Variants in KAZN observed in about 807,000 individuals in gnomAD.
KAZN encodes the protein kazrin, periplakin interacting protein, also known as kazrin.
A neutral mutation model predicts 87.4 loss-of-function variants in KAZN; 40 were observed. That is an observed-to-expected ratio of 0.46 (90% confidence interval 0.36 to 0.60). The LOEUF is 0.60. Ranked by LOEUF, KAZN falls within the 20% of genes least tolerant of loss-of-function variation. The pLI is 0.00. For synonymous variants in KAZN, 466 were observed against 458.3 expected (o/e 1.02, Z -0.22); for missense variants, 898 against 1,073.9 (o/e 0.84, Z 2.29).
intron 1 of KAZN, among the ~76,000 whole-genome samples, chr1:14,157,771 G>C (rs964855777): frequency 6.6e-6 from 1 of 152,182 alleles, no homozygotes; most frequent in Non-Finnish European, 1.5e-5. Context: ...ATAAACAAAA[G>C]AGGTTTAATT....
chr1:14,440,388 T>C (rs1666630641), intron 2 of KAZN, among the ~76,000 whole-genome samples: 1 of 152,204 alleles, frequency 6.6e-6, no homozygotes, highest in Non-Finnish European at 1.5e-5. Context: ...AATTCTTTGC[T>C]GTAGACATGA....
intron 1 of KAZN, among the ~76,000 whole-genome samples, chr1:14,750,399 C>G (rs917165037): frequency 6.6e-6 from 1 of 152,158 alleles, no homozygotes; most frequent in African/African-American, 2.4e-5. Context: ...AATTTTTTAC[C>G]TGACTTAACG....
rs181596526 is a variant in KAZN, at chr1:14,496,767, G to A, written c.250-102216G>A. On this transcript the variant is annotated intron_variant, in intron 2 of 16. Transcript: ENST00000636203. ...TTGAGACATAGGTGAAAATGTGTGC[G>A]CGCCTACATGCAAAGCGTGATATTC... Among the ~76,000 whole-genome samples, 285 of 151,934 alleles carry A rather than the reference G, an allele frequency of 1.9e-3. 1 individual carries two copies. The highest frequency in any genetic ancestry group is 1.4e-3 in the Non-Finnish European group (97 of 67,906).
chr1:14,658,473 G>A (rs988381723), intron 1 of KAZN, among the ~76,000 whole-genome samples: 3 of 152,158 alleles, frequency 2.0e-5, no homozygotes, highest in Admixed American at 6.5e-5. Flanking sequence ...GTGAACCAAT[G>A]TGTGCAAAGT....
At chr1:14,600,735 C>A (rs1412678424) in intron 1 of KAZN, among the ~76,000 whole-genome samples, 2 of 150,504 alleles carry the variant, frequency 1.3e-5, no homozygotes, top group African/African-American at 4.9e-5. Context: ...AGAGGCTCTG[C>A]TAACATTAAA....
chr1:14,001,057 C>T (rs932492791), intron 1 of KAZN, among the ~76,000 whole-genome samples: 2 of 152,122 alleles, frequency 1.3e-5, no homozygotes, highest in Non-Finnish European at 2.9e-5. Context: ...GCTGGGATTA[C>T]AGGCGTGAGC....
chr1:14,767,334 T>G (rs924112084), intron 1 of KAZN, among the ~76,000 whole-genome samples: 1 of 152,280 alleles, frequency 6.6e-6, no homozygotes, highest in Non-Finnish European at 1.5e-5. Context: ...TGGGAGGGGC[T>G]CCTCTGCAAA....
chr1:14,873,996 C>G (rs545471514), intron 1 of KAZN, among the ~76,000 whole-genome samples: 1 of 152,040 alleles, frequency 6.6e-6, no homozygotes, highest in African/African-American at 2.4e-5. Context: ...GGGGCAGGAG[C>G]GAGTTTAGAG....
At chr1:14,315,223 A>G (rs1655574671) in intron 2 of KAZN, among the ~76,000 whole-genome samples, 1 of 152,104 alleles carries the variant, frequency 6.6e-6, no homozygotes. Flanking sequence ...ATGTTCCTTA[A>G]GGGAAGTTCC....
intron 2 of KAZN, among the ~76,000 whole-genome samples, chr1:14,511,987 A>G (rs1557767968): frequency 1.3e-5 from 2 of 152,172 alleles, no homozygotes; most frequent in Non-Finnish European, 2.9e-5. Flanking sequence ...AGAATTTTTC[A>G]GGGGGTGGAA....
At chr1:14,734,205 T>G (rs1053679732) in intron 1 of KAZN, among the ~76,000 whole-genome samples, 12 of 152,142 alleles carry the variant, frequency 7.9e-5, no homozygotes, top group African/African-American at 2.9e-4. Context: ...TTTCTCAAAC[T>G]GTACAGTGCG....
chr1:14,193,428 T>TG (rs1413563082), intron 2 of KAZN, among the ~76,000 whole-genome samples: 1 of 152,124 alleles, frequency 6.6e-6, no homozygotes, highest in Non-Finnish European at 1.5e-5. Context: ...AGCCAAGACA[T>TG]GCATGGGGCT....
At chr1:14,679,591 G>A (rs532125280) in intron 1 of KAZN, among the ~76,000 whole-genome samples, 13 of 152,246 alleles carry the variant, frequency 8.5e-5, no homozygotes, top group Non-Finnish European at 1.6e-4. Context: ...GCACCAAGAT[G>A]TCCAAGCATT....
At chr1:14,101,585 T>C (rs1408074763) in intron 1 of KAZN, among the ~76,000 whole-genome samples, 1 of 152,208 alleles carries the variant, frequency 6.6e-6, no homozygotes, top group Non-Finnish European at 1.5e-5. Flanking sequence ...TCGTGGATCA[T>C]TTCTAGTTTC....
rs536650814 is a variant in KAZN at position 14,905,327 on chromosome 1, G to A, written c.227-55357G>A. 2.6e-5 allele frequency among the ~76,000 whole-genome samples: 4 copies of A among 152,268 alleles called. No homozygotes were observed. The East Asian group carries it at 7.7e-4, about 29-fold the overall frequency. On this transcript the variant is annotated intron_variant, in intron 1 of 14. Coordinates refer to ENST00000376030, the MANE Select transcript of KAZN (RefSeq NM_201628.3). ...ATCTGCCTGCTTCTGCTGCCAAAGT[G>A]CTGGAATAACAGGCGTGATCTACTG... is the stretch of plus-strand genomic sequence containing the variant.
At chr1:15,062,165 C>T (rs966345159) in intron 6 of KAZN, 2 of 152,262 alleles carry the variant, frequency 1.3e-5, no homozygotes, top group African/African-American at 4.8e-5. Flanking sequence ...TCTTGAATTG[C>T]ATTTGACCCA....
At chr1:13,948,681 C>T (rs1044315648) in intron 1 of KAZN, among the ~76,000 whole-genome samples, 4 of 152,048 alleles carry the variant, frequency 2.6e-5, no homozygotes, top group African/African-American at 9.7e-5. Flanking sequence ...TCTTTGTGGC[C>T]ATGAACCGTT....
intron 1 of KAZN, among the ~76,000 whole-genome samples, chr1:13,916,770 C>G (rs1032790117): frequency 5.9e-5 from 9 of 152,230 alleles, no homozygotes; most frequent in African/African-American, 2.2e-4. Flanking sequence ...TGGGGAGCCA[C>G]TGAAAGGCCT....
At chr1:14,961,262 A>T (rs1393029234) in intron 2 of KAZN, among the ~76,000 whole-genome samples, 1 of 152,118 alleles carries the variant, frequency 6.6e-6, no homozygotes, top group Non-Finnish European at 1.5e-5. Context: ...TCTCTGCTGG[A>T]GGACATGTCT....
Sources: allele counts gnomAD v4.1 joint callset (sites outside exome capture counted in the v4.1 genomes callset), GRCh38; gene constraint gnomAD v4.1.1; transcripts MANE v1.5; gene names NCBI Gene and HGNC (gene_info 2026-07-23, HGNC 2026-07-21).